Variants in TMEM232 observed in about 807,000 individuals in gnomAD.
The protein encoded by TMEM232 is transmembrane protein 232.
TMEM232 carries 80 observed loss-of-function variants against 78.8 expected under a neutral mutation model. That is an observed-to-expected ratio of 1.01 (90% CI 0.85 to 1.22). The LOEUF is 1.22. Among genes scored for constraint, TMEM232 ranks in the 50% most tolerant of loss-of-function variants. The pLI, the probability that TMEM232 is intolerant of heterozygous loss-of-function variation, is 0.00. For synonymous variants in TMEM232, 297 were observed against 254.3 expected (o/e 1.17, Z -1.60); for missense variants, 881 against 742.2 (o/e 1.19, Z -2.17).
intron 2 of TMEM232, among the ~76,000 whole-genome samples, chr5:110,654,580 G>A (rs553103572): frequency 1.3e-4 from 20 of 152,278 alleles, no homozygotes; most frequent in East Asian, 9.6e-4. Flanking sequence ...GTCAGGTAGC[G>A]TGATGCCTCC....
chr5:110,687,683 T>A (rs6879826), intron 1 of TMEM232, among the ~76,000 whole-genome samples: 3,580 of 152,232 alleles, frequency 0.024, 127 homozygotes, highest in African/African-American at 0.08. Flanking sequence ...TCTCTTTCTC[T>A]TTCTCTTTGT....
chr5:110,455,983 A>G (rs1235741880), intron 12 of TMEM232, among the ~76,000 whole-genome samples: 2 of 152,244 alleles, frequency 1.3e-5, no homozygotes, highest in Non-Finnish European at 2.9e-5. Flanking sequence ...GAAAATCTAC[A>G]GCTTCCATTC....
chr5:110,718,305 C>A (rs1017122566), intron 1 of TMEM232, among the ~76,000 whole-genome samples: 7 of 152,092 alleles, frequency 4.6e-5, no homozygotes, highest in Admixed American at 4.6e-4. Flanking sequence ...AGAACTGTAT[C>A]CATACCAGGA....
At chr5:110,499,238 C>A (rs949422727) in intron 12 of TMEM232, among the ~76,000 whole-genome samples, 1 of 151,968 alleles carries the variant, frequency 6.6e-6, no homozygotes, top group Admixed American at 6.6e-5. Flanking sequence ...TTAAGGATTC[C>A]AATTAAAACA....
chr5:110,606,419 A>G (rs1262471093), intron 8 of TMEM232, 132 bp from the exon 9 acceptor site: 2 of 988,640 alleles, frequency 2.0e-6, no homozygotes, highest in Non-Finnish European at 2.8e-6. Flanking sequence ...TATTTTCAAT[A>G]AAGATTAGTA....
chr5:110,472,868 T>C (rs1762831445), intron 12 of TMEM232, among the ~76,000 whole-genome samples: 1 of 151,864 alleles, frequency 6.6e-6, no homozygotes. Flanking sequence ...ATTGAATGTC[T>C]ACATTCAGAA....
At chr5:110,493,677 A>G (rs1001045783) in intron 12 of TMEM232, among the ~76,000 whole-genome samples, 1 of 152,124 alleles carries the variant, frequency 6.6e-6, no homozygotes, top group Admixed American at 6.6e-5. Context: ...AAGTCTTTTA[A>G]TGGCTTAAAT....
At chr5:110,732,723 G>A (rs1232647377) in intron 2 of TMEM232, among the ~76,000 whole-genome samples, 7 of 152,148 alleles carry the variant, frequency 4.6e-5, no homozygotes, top group East Asian at 1.9e-4. Flanking sequence ...GGGACACAAC[G>A]AACCATATCA....
At chr5:110,480,800 A>T (rs901805515) in intron 12 of TMEM232, among the ~76,000 whole-genome samples, 9 of 152,110 alleles carry the variant, frequency 5.9e-5, no homozygotes, top group African/African-American at 2.2e-4. Context: ...TAAATACTCC[A>T]TTTATACTTG....
chr5:110,544,536 A>T (rs533233731), intron 11 of TMEM232, among the ~76,000 whole-genome samples: 1 of 152,184 alleles, frequency 6.6e-6, no homozygotes, highest in East Asian at 1.9e-4. Context: ...GCTAACTCAC[A>T]TTATTTTTGA....
rs1434322712 is a variant in TMEM232, at chr5:110,419,598, C to T, written c.*982G>A. Among the ~76,000 whole-genome samples, 5 of 151,950 alleles carry T rather than the reference C, an allele frequency of 3.3e-5. No individual in the cohort carries two copies. The highest frequency in any genetic ancestry group is 2.6e-4 in the Admixed American group (4 of 15,244). ...ACTGACATACATTTTGGAATGTAAC[C>T]GAGTGATGGGAAATTTCTCTATATG... On this transcript the variant is annotated 3_prime_UTR_variant, in exon 14 of 14. Transcript: ENST00000455884.
chr5:110,407,971 T>C (rs1410417063), intron 2 of TMEM232, among the ~76,000 whole-genome samples: 1 of 152,090 alleles, frequency 6.6e-6, no homozygotes, highest in Non-Finnish European at 1.5e-5. Flanking sequence ...AGCATGCTCC[T>C]GAACAGCCAA....
At chr5:110,531,095 C>CTCCTGGCTCA (rs1256727776) in intron 11 of TMEM232, among the ~76,000 whole-genome samples, 76 of 152,266 alleles carry the variant, frequency 5.0e-4, no homozygotes, top group African/African-American at 1.8e-3. Context: ...GAAATTCCTT[C>CTCCTGGCTCA]TCCTGGCTCA....
chr5:110,622,306 C>T (rs1293745225), intron 7 of TMEM232, among the ~76,000 whole-genome samples: 1 of 152,114 alleles, frequency 6.6e-6, no homozygotes, highest in African/African-American at 2.4e-5. Flanking sequence ...TCTGTCTTTG[C>T]TAGTTTTCAG....
chr5:110,437,985 G>A (rs1199004505), intron 12 of TMEM232, among the ~76,000 whole-genome samples: 1 of 152,068 alleles, frequency 6.6e-6, no homozygotes, highest in Non-Finnish European at 1.5e-5. Context: ...AAGGTTTTCA[G>A]TGGATAAGGT....
intron 12 of TMEM232, among the ~76,000 whole-genome samples, chr5:110,523,422 T>A (rs193226865): frequency 1.3e-3 from 196 of 152,308 alleles, no homozygotes; most frequent in Non-Finnish European, 2.1e-3. Flanking sequence ...TTCTGCTAAC[T>A]TTGAGCTTAA....
At chr5:110,482,018 ATTT>A (rs568265931) in intron 12 of TMEM232, among the ~76,000 whole-genome samples, 86 of 152,230 alleles carry the variant, frequency 5.6e-4, no homozygotes, top group African/African-American at 2.0e-3. Flanking sequence ...CAAACTAAAA[ATTT>A]TTTTAATTAA....
At chr5:110,645,605 C>G (rs1242799063) in intron 2 of TMEM232, among the ~76,000 whole-genome samples, 1 of 151,542 alleles carries the variant, frequency 6.6e-6, no homozygotes, top group East Asian at 1.9e-4. Flanking sequence ...TCAAAAACCA[C>G]AGCCAATATC....
chr5:110,691,171 A>G (rs1794078223), intron 1 of TMEM232, among the ~76,000 whole-genome samples: 1 of 151,948 alleles, frequency 6.6e-6, no homozygotes, highest in South Asian at 2.1e-4. Flanking sequence ...AAAGAAAGGA[A>G]GCTTTGGACA....
Sources: gnomAD v4.1 joint callset for allele counts (sites outside exome capture counted in the v4.1 genomes callset) on GRCh38, gnomAD v4.1.1 for gene constraint, MANE v1.5 for transcripts, NCBI Gene and HGNC (gene_info 2026-07-23, HGNC 2026-07-21) for gene names.